ATP2B1: variants seen among roughly 807,000 people sequenced by gnomAD.
ATP2B1 encodes ATPase plasma membrane Ca2+ transporting 1.
ATP2B1 carries 14 observed loss-of-function variants against 124.2 expected under a neutral mutation model. The observed-to-expected ratio is 0.11, with a 90% CI of 0.07 to 0.18. The LOEUF (loss-of-function observed/expected upper bound fraction) is 0.18, where lower values mean the gene tolerates loss of function less well. Ranked by LOEUF, ATP2B1 falls within the 10% of genes least tolerant of loss-of-function variation. The probability of loss-of-function intolerance (pLI) is 1.00; values close to 1 mark genes in which losing one functional copy is unlikely to be tolerated. For missense variants in ATP2B1, 763 were observed against 1,466.1 expected (o/e 0.52, Z 7.83); for synonymous variants, 449 against 492.4 (o/e 0.91, Z 1.17).
Position 89,621,585 on chromosome 12 carries a change from T to G in ATP2B1, c.1551A>C (p.Gly517=). ...PPNILSYLVT[G]ISVNCAYTSK... Reference sequence around the variant, plus strand: ...ATGTATAAGCACAATTCACAGAAATTCCTGTTACAAGATAGGACAAAATAT... The same window carrying G: ...ATGTATAAGCACAATTCACAGAAATGCCTGTTACAAGATAGGACAAAATAT... The change falls in exon 10 of 21, where the codon GGA becomes GGC. Residue 517 remains glycine (G), a synonymous_variant. Coordinates refer to ENST00000428670, the MANE Select transcript of ATP2B1 (RefSeq NM_001366521.1). 6.3e-7 allele frequency: 1 copy of G among 1,597,434 alleles called. No individual in the cohort carries two copies. Among genetic ancestry groups the G allele is most frequent in the African/African-American group, 1.3e-5 (1 of 74,438 alleles).
intron 1 of ATP2B1, among the ~76,000 whole-genome samples, chr12:89,695,598 T>C (rs759790435): frequency 5.3e-5 from 8 of 152,130 alleles, no homozygotes; most frequent in Non-Finnish European, 1.0e-4. Context: ...TTAGCTGTAG[T>C]TGTATTTAAG....
chr12:89,675,292 T>C (rs565765500), intron 1 of ATP2B1, among the ~76,000 whole-genome samples: 2 of 152,304 alleles, frequency 1.3e-5, no homozygotes, highest in Non-Finnish European at 2.9e-5. Flanking sequence ...GCAATAAGCT[T>C]ATACTTTTCA....
At chr12:89,631,747 A>G (rs889977355) in intron 5 of ATP2B1, among the ~76,000 whole-genome samples, 1 of 152,190 alleles carries the variant, frequency 6.6e-6, no homozygotes, top group African/African-American at 2.4e-5. Flanking sequence ...ATGTCCCGCA[A>G]AACAATTTTG....
At chr12:89,623,689 A>C (rs565103252) in intron 9 of ATP2B1, among the ~76,000 whole-genome samples, 7 of 152,234 alleles carry the variant, frequency 4.6e-5, no homozygotes, top group Non-Finnish European at 8.8e-5. Context: ...AAGGGAATTG[A>C]GCACTGAGAG....
chr12:89,606,803 T>C (rs1387715764), intron 15 of ATP2B1, among the ~76,000 whole-genome samples: 1 of 152,086 alleles, frequency 6.6e-6, no homozygotes, highest in Non-Finnish European at 1.5e-5. Context: ...CTTGAATTCC[T>C]GACCTCAAGA....
At chr12:89,672,411 G>A (rs1316618299) in intron 1 of ATP2B1, among the ~76,000 whole-genome samples, 9 of 152,058 alleles carry the variant, frequency 5.9e-5, no homozygotes, top group East Asian at 3.9e-4. Context: ...CTGATATCAC[G>A]CTACTGCACT....
intron 2 of ATP2B1, among the ~76,000 whole-genome samples, chr12:89,653,703 C>T (rs895261034): frequency 6.6e-6 from 1 of 152,126 alleles, no homozygotes; most frequent in Admixed American, 6.6e-5. Flanking sequence ...TTTTAAAAAC[C>T]ACTGTACTAG....
chr12:89,592,446 C>T (rs765115552), intron 20 of ATP2B1, among the ~76,000 whole-genome samples: 1 of 152,008 alleles, frequency 6.6e-6, no homozygotes, highest in Non-Finnish European at 1.5e-5. Context: ...TTCAAATGAA[C>T]ATGTGAATGT....
chr12:89,674,253 CTTTT>C (rs947849844), intron 1 of ATP2B1, among the ~76,000 whole-genome samples: 3 of 150,856 alleles, frequency 2.0e-5, no homozygotes, highest in Non-Finnish European at 2.9e-5. Context: ...CTGGTTGATT[CTTTT>C]TTTAACCTTT....
intron 1 of ATP2B1, among the ~76,000 whole-genome samples, chr12:89,707,613 G>C (rs927326817): frequency 6.6e-6 from 1 of 152,150 alleles, no homozygotes; most frequent in Non-Finnish European, 1.5e-5. Flanking sequence ...TCAGCCTGTC[G>C]AGGAGGGTCG....
At chr12:89,599,374 G>T in intron 19 of ATP2B1, 75 bp from the exon 20 acceptor site, 3 of 1,472,244 alleles carry the variant, frequency 2.0e-6, no homozygotes, top group Non-Finnish European at 2.8e-6. Flanking sequence ...AATACTAAAG[G>T]TATTAAAAGT....
intron 13 of ATP2B1, among the ~76,000 whole-genome samples, chr12:89,610,962 GCTA>G (rs1555196096): frequency 6.6e-6 from 1 of 152,004 alleles, no homozygotes; most frequent in Non-Finnish European, 1.5e-5. Flanking sequence ...ATTCACTGCT[GCTA>G]CTTTTATATA....
At chr12:89,680,324 AC>A (rs1369295196) in intron 1 of ATP2B1, among the ~76,000 whole-genome samples, 1 of 152,200 alleles carries the variant, frequency 6.6e-6, no homozygotes, top group Non-Finnish European at 1.5e-5. Flanking sequence ...AACAACAGAA[AC>A]AAAAATCACC....
At chr12:89,693,255 T>C (rs1890742344) in intron 1 of ATP2B1, among the ~76,000 whole-genome samples, 1 of 152,110 alleles carries the variant, frequency 6.6e-6, no homozygotes, top group Non-Finnish European at 1.5e-5. Context: ...GGAGTATGAT[T>C]TACAAAGGCA....
intron 12 of ATP2B1, among the ~76,000 whole-genome samples, chr12:89,614,881 T>C (rs1432331904): frequency 6.6e-6 from 1 of 152,156 alleles, no homozygotes; most frequent in African/African-American, 2.4e-5. Flanking sequence ...GCCATGATCA[T>C]CTCTTGCCTG....
At position 89,635,317 on chromosome 12, in the gene ATP2B1, C is replaced by G; in HGVS notation, c.407-66G>C. On this transcript the variant is annotated intron_variant, in intron 3 of 20. Coordinates refer to ENST00000428670, the MANE Select transcript of ATP2B1 (RefSeq NM_001366521.1). Reference sequence around the variant, plus strand: ...AATTGATGACAACATACATATAGTACGTCTAAATCATATTTTTGTGTTAAT... The same window carrying G: ...AATTGATGACAACATACATATAGTAGGTCTAAATCATATTTTTGTGTTAAT... 3 of 1,489,556 alleles carry G rather than the reference C, an allele frequency of 2.0e-6. No homozygotes were observed. The South Asian group carries it at 3.8e-5, about 19-fold the overall frequency. 92.3% of individuals were successfully genotyped at this position (1,489,556 alleles called of 1,614,324 possible).
intron 2 of ATP2B1, among the ~76,000 whole-genome samples, chr12:89,653,312 C>T (rs1256802172): frequency 8.5e-5 from 9 of 106,288 alleles, no homozygotes; most frequent in South Asian, 3.0e-4. Flanking sequence ...TTTTTTGAGA[C>T]GGAGTCTCGC....
At chr12:89,600,294 C>T (rs1460956146) in intron 19 of ATP2B1, among the ~76,000 whole-genome samples, 1 of 152,120 alleles carries the variant, frequency 6.6e-6, no homozygotes, top group African/African-American at 2.4e-5. Flanking sequence ...AATAAATTAG[C>T]TCATGCAAAT....
Position 89,603,313 on chromosome 12 carries a change from G to T in ATP2B1, c.2849-59C>A. On this transcript the variant is annotated intron_variant, in intron 17 of 20. Transcript: ENST00000428670. The surrounding 1 kb of genome is among the most constrained non-coding windows in gnomAD (Gnocchi z 4.3). ...TCATACCAAATTAGATTTCAAGGAG[G>T]TATACAAATTACAACTTAGCTAGAC... The T allele has an allele frequency of 7.3e-7, 1 of 1,373,466 alleles. No individual in the cohort carries two copies. The highest frequency in any genetic ancestry group is 9.8e-7 in the Non-Finnish European group (1 of 1,017,640). 85.1% of individuals were successfully genotyped at this position (1,373,466 alleles called of 1,614,324 possible).
Sources: allele counts gnomAD v4.1 joint callset (sites outside exome capture counted in the v4.1 genomes callset), GRCh38; gene constraint gnomAD v4.1.1; non-coding constraint Gnocchi (gnomAD v3.1); transcripts MANE v1.5; gene names NCBI Gene and HGNC (gene_info 2026-07-23, HGNC 2026-07-21).